Variants in FNDC3A observed in about 807,000 individuals in gnomAD.
FNDC3A encodes the protein fibronectin type-III domain-containing protein 3A.
Under a neutral mutation model 148.9 loss-of-function variants are expected in FNDC3A, and 32 were observed. That is an observed-to-expected ratio of 0.21 (90% CI 0.16 to 0.29). The LOEUF is 0.29. FNDC3A is among the 10% of genes least tolerant of loss of function. FNDC3A has a pLI of 1.00. For synonymous variants in FNDC3A, 472 were observed against 473.6 expected (o/e 1.00, Z 0.04); for missense variants, 1,191 against 1,452.8 (o/e 0.82, Z 2.93).
At chr13:49,029,182 G>A (rs1025658567) in intron 2 of FNDC3A, among the ~76,000 whole-genome samples, 1 of 151,916 alleles carries the variant, frequency 6.6e-6, no homozygotes, top group African/African-American at 2.4e-5. Flanking sequence ...CTGTTGCCCA[G>A]GCTTCAGTAA....
chr13:49,178,520 TTTCTA>T, intron 13 of FNDC3A, 43 bp from the exon 14 acceptor site: 2 of 1,155,948 alleles, frequency 1.7e-6, no homozygotes, highest in Non-Finnish European at 2.6e-6. Flanking sequence ...ATTGCCCATA[TTTCTA>T]TTGTTAGACA....
chr13:49,166,969 A>G (rs1442997301), intron 8 of FNDC3A, among the ~76,000 whole-genome samples: 2 of 138,406 alleles, frequency 1.4e-5, no homozygotes, highest in Non-Finnish European at 3.2e-5. Flanking sequence ...AGTAAGCTAA[A>G]TATCTTCCTT....
At chr13:48,991,128 C>T (rs140996791) in intron 1 of FNDC3A, among the ~76,000 whole-genome samples, 1,881 of 152,186 alleles carry the variant, frequency 0.012, 27 homozygotes, top group African/African-American at 0.034. Flanking sequence ...GCCTAAACAC[C>T]ACAATTAAAA....
At chr13:49,079,395 G>T (rs1349972358) in intron 3 of FNDC3A, among the ~76,000 whole-genome samples, 5 of 152,176 alleles carry the variant, frequency 3.3e-5, no homozygotes, top group Non-Finnish European at 1.5e-5. Context: ...TGTTATGGGA[G>T]CATAGAAGGA....
chr13:49,115,198 T>TA (rs11450075), intron 4 of FNDC3A, among the ~76,000 whole-genome samples: 103,323 of 140,240 alleles, frequency 0.74, 38,217 homozygotes, highest in East Asian at 0.87. Context: ...GGGGGGGAAA[T>TA]AAAAAAAAAA....
At chr13:48,976,433 A>G (rs1001246124) in intron 1 of FNDC3A, among the ~76,000 whole-genome samples, 1 of 152,198 alleles carries the variant, frequency 6.6e-6, no homozygotes, top group Non-Finnish European at 1.5e-5. Flanking sequence ...GAGCCTAGCC[A>G]GGACACGCTT....
intron 2 of FNDC3A, among the ~76,000 whole-genome samples, chr13:49,072,788 C>G (rs893465015): frequency 4.6e-5 from 7 of 152,058 alleles, no homozygotes; most frequent in African/African-American, 1.7e-4. Context: ...CCAGCTAATA[C>G]TACTGATTTT....
At chr13:49,178,690 G>T in intron 14 of FNDC3A, 36 bp downstream of exon 14, 1 of 1,205,810 alleles carries the variant, frequency 8.3e-7, no homozygotes, top group Non-Finnish European at 1.2e-6. Context: ...TTTGTTCCTT[G>T]TTCCTATTCT....
chr13:49,093,972 C>T (rs1159822723), intron 3 of FNDC3A, among the ~76,000 whole-genome samples: 1 of 152,024 alleles, frequency 6.6e-6, no homozygotes, highest in East Asian at 1.9e-4. Context: ...TTTACTAATC[C>T]TCTGTTTTGA....
At chr13:49,167,146 G>T in intron 8 of FNDC3A, 98 bp from the exon 9 acceptor site, 1 of 644,260 alleles carries the variant, frequency 1.6e-6, no homozygotes, top group Non-Finnish European at 2.6e-6. Flanking sequence ...AAAGAAAGAA[G>T]TAGTTTCATA....
intron 2 of FNDC3A, among the ~76,000 whole-genome samples, chr13:49,042,827 T>C (rs923325368): frequency 2.0e-5 from 3 of 152,208 alleles, no homozygotes; most frequent in African/African-American, 4.8e-5. Flanking sequence ...TTTTGATAAA[T>C]ACAGTGTTGT....
chr13:48,990,029 C>T lies in FNDC3A; in HGVS notation c.-40+13852C>T, dbSNP rs1449408483. Among the ~76,000 whole-genome samples, 5 of 151,992 alleles carry T rather than the reference C, an allele frequency of 3.3e-5. No individual in the cohort carries two copies. The South Asian group carries it at 6.2e-4, about 19-fold the overall frequency. On this transcript the variant is annotated intron_variant, in intron 1 of 25. Coordinates refer to ENST00000492622, the MANE Select transcript of FNDC3A (RefSeq NM_001079673.2). ...CCTCCCAAAGTGCTGGGATTATAGG[C>T]GTGAACCACCGTGCCTGGCCCATAA...
chr13:49,024,751 A>G (rs79641004), intron 2 of FNDC3A, among the ~76,000 whole-genome samples: 5,217 of 152,068 alleles, frequency 0.034, 277 homozygotes, highest in African/African-American at 0.11. Context: ...AATAAAGGCC[A>G]TATATGACAA....
At chr13:49,122,876 A>G (rs1881448323) in intron 4 of FNDC3A, among the ~76,000 whole-genome samples, 1 of 152,222 alleles carries the variant, frequency 6.6e-6, no homozygotes, top group Non-Finnish European at 1.5e-5. Context: ...AAAACATTCC[A>G]TGCTCGTGGA....
intron 8 of FNDC3A, among the ~76,000 whole-genome samples, chr13:49,161,185 C>G (rs1407322747): frequency 3.3e-5 from 5 of 152,140 alleles, no homozygotes; most frequent in African/African-American, 9.7e-5. Context: ...TGTTAACTTT[C>G]TGTCTTGTTG....
intron 14 of FNDC3A, among the ~76,000 whole-genome samples, chr13:49,182,022 C>T (rs538543885): frequency 6.6e-6 from 1 of 152,290 alleles, no homozygotes; most frequent in African/African-American, 2.4e-5. Flanking sequence ...CACACCATCA[C>T]CCAGGCTGGA....
chr13:49,070,175 G>A (rs1046724441), intron 2 of FNDC3A, among the ~76,000 whole-genome samples: 3 of 151,190 alleles, frequency 2.0e-5, no homozygotes, highest in African/African-American at 4.9e-5. Context: ...ACTGTCACCC[G>A]GGCTGGAGTA....
In FNDC3A at chr13:49,201,844, A is replaced by C. The variant is rs750806745; in HGVS notation, c.3032A>C (p.Gln1011Pro). ...GGACCATGTCATACATACAAAGTAC[A>C]AAGACTTAATGAGTCAACATCCTAT... ...YRGPCHTYKV[Q>P]RLNESTSYKF... The change falls in exon 24 of 26, where the codon CAA (glutamine) becomes CCA (proline). Residue 1011 changes from glutamine (Q) to proline (P), a missense_variant. Physicochemically the swap from Gln to Pro is moderately conservative, Grantham distance 76 (BLOSUM62 -1). This residue lies in a region of FNDC3A where 751 missense variants were observed against 944.0 expected (regional missense o/e 0.80). Coordinates refer to ENST00000492622, the MANE Select transcript of FNDC3A (RefSeq NM_001079673.2). 1.3e-6 allele frequency: 2 copies of C among 1,585,980 alleles called. No homozygotes were observed. The highest frequency in any genetic ancestry group is 1.7e-6 in the Non-Finnish European group (2 of 1,164,366).
chr13:49,190,126 T>C (rs1437374708), intron 17 of FNDC3A, among the ~76,000 whole-genome samples: 1 of 152,110 alleles, frequency 6.6e-6, no homozygotes, highest in Admixed American at 6.5e-5. Flanking sequence ...GACCCTGTGA[T>C]CCACCCGCCT....
Sources: allele counts gnomAD v4.1 joint callset (sites outside exome capture counted in the v4.1 genomes callset), GRCh38; gene constraint gnomAD v4.1.1; regional missense constraint gnomAD v4.1.1; transcripts MANE v1.5; gene names NCBI Gene and HGNC (gene_info 2026-07-23, HGNC 2026-07-21).